GALNTL6: variants seen among roughly 807,000 people sequenced by gnomAD.
GALNTL6 encodes polypeptide N-acetylgalactosaminyltransferase like 6.
In GALNTL6, 46 loss-of-function variants were observed where a neutral mutation model predicts 73.7. The observed-to-expected ratio is 0.62, with a 90% CI of 0.49 to 0.80. GALNTL6 has a LOEUF of 0.80. Ranked by LOEUF, GALNTL6 falls within the 30% of genes least tolerant of loss-of-function variation. The probability of loss-of-function intolerance (pLI) is 0.00; values close to 1 mark genes in which losing one functional copy is unlikely to be tolerated. For synonymous variants in GALNTL6, 259 were observed against 263.7 expected, an observed-to-expected ratio of 0.98 and a Z score of 0.17; for missense variants, 604 against 755.0, an observed-to-expected ratio of 0.80 and a Z score of 2.34.
chr4:172,767,088 A>G (rs1738448149), intron 5 of GALNTL6, among the ~76,000 whole-genome samples: 1 of 152,232 alleles, frequency 6.6e-6, no homozygotes. Flanking sequence ...TTAATAAATA[A>G]GAGCTAAAGA....
intron 2 of GALNTL6, among the ~76,000 whole-genome samples, chr4:172,209,709 A>C (rs1459230124): frequency 6.6e-6 from 1 of 152,042 alleles, no homozygotes; most frequent in African/African-American, 2.4e-5. Flanking sequence ...AGACTGCCTC[A>C]TTTATTTACT....
At chr4:172,297,976 A>G (rs1739747424) in intron 3 of GALNTL6, among the ~76,000 whole-genome samples, 1 of 152,176 alleles carries the variant, frequency 6.6e-6, no homozygotes. Context: ...GGTTCTTCCT[A>G]CCCATGAGCA....
At chr4:172,690,145 C>T (rs1195021772) in intron 5 of GALNTL6, among the ~76,000 whole-genome samples, 3 of 152,076 alleles carry the variant, frequency 2.0e-5, no homozygotes, top group Admixed American at 6.5e-5. Flanking sequence ...GAAAAAATAA[C>T]AAAAACACTC....
At chr4:172,572,442 A>G (rs1243959779) in intron 5 of GALNTL6, among the ~76,000 whole-genome samples, 1 of 152,162 alleles carries the variant, frequency 6.6e-6, no homozygotes, top group Non-Finnish European at 1.5e-5. Flanking sequence ...TCAGAGACAC[A>G]CAACAAGTAG....
At chr4:172,899,886 A>C (rs896819279) in intron 8 of GALNTL6, among the ~76,000 whole-genome samples, 1 of 152,130 alleles carries the variant, frequency 6.6e-6, no homozygotes, top group Non-Finnish European at 1.5e-5. Flanking sequence ...CTGTCATGGC[A>C]TTGGTGGGAG....
At chr4:172,727,201 A>G (rs1199970203) in intron 5 of GALNTL6, among the ~76,000 whole-genome samples, 1 of 152,218 alleles carries the variant, frequency 6.6e-6, no homozygotes, top group Non-Finnish European at 1.5e-5. Flanking sequence ...GTGTGCCCAT[A>G]GAAAAACCTG....
chr4:172,694,763 T>C (rs1359332232), intron 5 of GALNTL6, among the ~76,000 whole-genome samples: 2 of 152,216 alleles, frequency 1.3e-5, no homozygotes, highest in African/African-American at 4.8e-5. Flanking sequence ...CCCTTACGTA[T>C]GCATTTTGTA....
intron 2 of GALNTL6, among the ~76,000 whole-genome samples, chr4:171,917,674 G>A (rs1737669177): frequency 6.6e-6 from 1 of 151,938 alleles, no homozygotes; most frequent in African/African-American, 2.4e-5. Context: ...GAAAGGTCTG[G>A]GAGTCCCAAA....
intron 5 of GALNTL6, among the ~76,000 whole-genome samples, chr4:172,519,911 A>G (rs893963950): frequency 2.0e-5 from 3 of 151,756 alleles, no homozygotes; most frequent in African/African-American, 4.8e-5. Context: ...TTATGATGCT[A>G]TCATAAAAAA....
At chr4:172,787,913 A>G (rs1355097394) in intron 5 of GALNTL6, among the ~76,000 whole-genome samples, 1 of 152,258 alleles carries the variant, frequency 6.6e-6, no homozygotes, top group East Asian at 1.9e-4. Context: ...ATTAAAGAAT[A>G]AAGATCATCT....
chr4:171,923,036 G>A (rs924722902), intron 2 of GALNTL6, among the ~76,000 whole-genome samples: 31 of 151,962 alleles, frequency 2.0e-4, no homozygotes, highest in African/African-American at 6.8e-4. Context: ...AGCATAAAAA[G>A]CCAGGAGAAA....
chr4:172,085,265 T>C (rs1180622242), intron 2 of GALNTL6, among the ~76,000 whole-genome samples: 1 of 152,138 alleles, frequency 6.6e-6, no homozygotes, highest in Non-Finnish European at 1.5e-5. Flanking sequence ...CTAAGAAATG[T>C]ATAAATTGGT....
intron 5 of GALNTL6, among the ~76,000 whole-genome samples, chr4:172,695,520 T>C (rs894004071): frequency 1.3e-5 from 2 of 152,222 alleles, no homozygotes; most frequent in African/African-American, 4.8e-5. Context: ...TCACTGTGAG[T>C]TCTGCTTTCA....
chr4:171,993,184 T>C (rs1029856894), intron 2 of GALNTL6, among the ~76,000 whole-genome samples: 7 of 131,948 alleles, frequency 5.3e-5, no homozygotes, highest in African/African-American at 1.9e-4. Flanking sequence ...TATAAGATGA[T>C]GAGAGTCAGA....
chr4:172,894,396 GT>G (rs1430208034), intron 8 of GALNTL6, among the ~76,000 whole-genome samples: 1 of 151,942 alleles, frequency 6.6e-6, no homozygotes, highest in Non-Finnish European at 1.5e-5. Flanking sequence ...GGTGTGTTGT[GT>G]TTCCAATTTT....
At chr4:172,604,169 A>G (rs73869557) in intron 5 of GALNTL6, among the ~76,000 whole-genome samples, 1,751 of 152,244 alleles carry the variant, frequency 0.012, 38 homozygotes, top group African/African-American at 0.04. Context: ...TGTAAACTGG[A>G]GAAGAGAAGA....
At chr4:172,999,035 C>G (rs904664691) in intron 10 of GALNTL6, among the ~76,000 whole-genome samples, 5 of 149,420 alleles carry the variant, frequency 3.3e-5, no homozygotes, top group African/African-American at 1.2e-4. Context: ...TAAAAGAGGG[C>G]TCTAGGGAGT....
intron 8 of GALNTL6, among the ~76,000 whole-genome samples, chr4:172,920,017 C>T (rs1048185189): frequency 6.6e-6 from 1 of 152,156 alleles, no homozygotes; most frequent in Admixed American, 6.6e-5. Flanking sequence ...TCTTCTGCTA[C>T]CACTCAAACC....
intron 5 of GALNTL6, among the ~76,000 whole-genome samples, chr4:172,683,200 A>G (rs977080689): frequency 6.6e-6 from 1 of 152,184 alleles, no homozygotes; most frequent in Non-Finnish European, 1.5e-5. Context: ...TCTGAGTAAC[A>G]GGCTGTGGTA....
Sources: gnomAD v4.1 joint callset for allele counts (sites outside exome capture counted in the v4.1 genomes callset) on GRCh38, gnomAD v4.1.1 for gene constraint, MANE v1.5 for transcripts, NCBI Gene and HGNC (gene_info 2026-07-23, HGNC 2026-07-21) for gene names.